Variants in BPI observed in about 807,000 individuals in gnomAD.
The protein encoded by BPI is bactericidal permeability-increasing protein.
In BPI, 48 loss-of-function variants were observed where a neutral mutation model predicts 57.6. The observed-to-expected ratio is 0.83, with a 90% CI of 0.66 to 1.06. BPI has a LOEUF of 1.06. Among genes scored for constraint, BPI ranks in the 50% least tolerant of loss-of-function variants. The pLI is 0.00. For missense variants in BPI, 651 were observed against 609.7 expected (o/e 1.07, Z -0.71); for synonymous variants, 237 against 238.2 (o/e 0.99, Z 0.05).
intron 14 of BPI, among the ~76,000 whole-genome samples, chr20:38,336,332 G>A (rs12624324): frequency 6.6e-6 from 1 of 152,016 alleles, no homozygotes; most frequent in Non-Finnish European, 1.5e-5. Context: ...AACCTCTTCA[G>A]GCTTAGCTGC....
chr20:38,315,763 T>TCTTTCCATCTTCCCTCCTTCCTTCCTTC (rs1202153462), intron 5 of BPI, among the ~76,000 whole-genome samples: 37 of 149,530 alleles, frequency 2.5e-4, no homozygotes, highest in African/African-American at 7.8e-4. Flanking sequence ...TTCCTTCCTT[T>TCTTTCCATCTTCCCTCCTTCCTTCCTTC]CTTTCCTTCT....
In BPI at chr20:38,304,304, C is replaced by T. The variant is rs767978733; in HGVS notation, c.81C>T (p.Ala27=). The change falls in exon 1 of 15, where the codon GCC becomes GCT. Residue 27 remains alanine, a synonymous_variant. Transcript: ENST00000642449. ...LVAIGTAVTA[A]VNPGVVVRIS... Reference sequence around the variant, plus strand: ...CCATAGGCACCGCCGTGACAGCGGCCGTCAACCCTGGCGTCGTGGTCAGGA... The same window carrying T: ...CCATAGGCACCGCCGTGACAGCGGCTGTCAACCCTGGCGTCGTGGTCAGGA... 10 of 1,613,996 alleles carry T rather than the reference C, an allele frequency of 6.2e-6. No individual in the cohort carries two copies. In the Admixed American group the frequency reaches 6.7e-5, roughly 11 times the overall value.
At chr20:38,309,484 T>A (rs1568808740) in intron 3 of BPI, among the ~76,000 whole-genome samples, 1 of 152,108 alleles carries the variant, frequency 6.6e-6, no homozygotes, top group Non-Finnish European at 1.5e-5. Flanking sequence ...CTGTGTCTCC[T>A]CCTCCTTGGA....
intron 9 of BPI, among the ~76,000 whole-genome samples, chr20:38,325,948 G>A (rs2076710675): frequency 6.6e-6 from 1 of 152,102 alleles, no homozygotes; most frequent in African/African-American, 2.4e-5. Context: ...GGAAGGGAAA[G>A]AGCCGAGAGA....
intron 1 of BPI, among the ~76,000 whole-genome samples, chr20:38,305,850 A>G (rs947873132): frequency 6.6e-5 from 10 of 152,148 alleles, no homozygotes; most frequent in African/African-American, 2.4e-4. Context: ...GATACATTTC[A>G]TTGATATTAT....
intron 5 of BPI, among the ~76,000 whole-genome samples, chr20:38,315,311 T>G (rs1004691757): frequency 3.9e-5 from 6 of 152,106 alleles, no homozygotes; most frequent in Admixed American, 2.0e-4. Context: ...AATGAATGAA[T>G]GAAGGAATGA....
At chr20:38,321,409 C>T (rs922908351) in intron 7 of BPI, among the ~76,000 whole-genome samples, 11 of 152,104 alleles carry the variant, frequency 7.2e-5, no homozygotes, top group Admixed American at 4.6e-4. Flanking sequence ...TTCCTCTCAC[C>T]TCAGGGCATT....
chr20:38,326,870 A>G (rs976095837), intron 10 of BPI, among the ~76,000 whole-genome samples: 20 of 152,186 alleles, frequency 1.3e-4, no homozygotes, highest in African/African-American at 4.8e-4. Context: ...CATTTATTCA[A>G]TTATTCATTT....
Position 38,331,476 on chromosome 20 carries a change from G to A in BPI, c.1272+386G>A, listed in dbSNP as rs928168638. Among the ~76,000 whole-genome samples the A allele has an allele frequency of 3.3e-5, 5 of 152,168 alleles. No individual in the cohort carries two copies. The East Asian group carries it at 5.8e-4, about 18-fold the overall frequency. ...ATGTGCCAAGTACTCTTCCAAGTAT[G>A]GGGTAGGCTGATGCATCAGACAGGG... On this transcript the variant is annotated intron_variant, in intron 12 of 14. Transcript: ENST00000642449.
chr20:38,337,289 C>A lies in BPI; in HGVS notation c.*105C>A. 1 of 993,350 alleles carries A rather than the reference C, an allele frequency of 1.0e-6. No homozygotes were observed. Among genetic ancestry groups the A allele is most frequent in the Non-Finnish European group, 1.5e-6 (1 of 672,996 alleles). The allele number at this position is 993,350 out of a possible 1,614,324, so 61.5% of individuals were successfully genotyped here. ...ATCCTCTCCAGATCTTAACCAAGAG[C>A]CCCTTGCAAACTTCTTCGACTCAGA... On this transcript the variant is annotated 3_prime_UTR_variant, in exon 15 of 15. Coordinates refer to ENST00000642449, the MANE Select transcript of BPI (RefSeq NM_001725.3).
intron 1 of BPI, among the ~76,000 whole-genome samples, chr20:38,305,989 T>C (rs970088788): frequency 2.6e-5 from 4 of 152,222 alleles, no homozygotes; most frequent in Non-Finnish European, 4.4e-5. Flanking sequence ...TAACTGGTGG[T>C]AGAATTCCTG....
At chr20:38,320,602 C>G (rs1045971589) in intron 7 of BPI, among the ~76,000 whole-genome samples, 1 of 151,148 alleles carries the variant, frequency 6.6e-6, no homozygotes, top group Non-Finnish European at 1.5e-5. Context: ...GAGACCTTCC[C>G]AGACCACTCT....
intron 9 of BPI, 88 bp from the exon 10 acceptor site, chr20:38,326,177 A>G: frequency 7.4e-6 from 10 of 1,344,080 alleles, no homozygotes; most frequent in Non-Finnish European, 9.1e-6. Flanking sequence ...CATTGAAGGT[A>G]TTTAAGTAGG....
intron 5 of BPI, chr20:38,318,104 C>T (rs2122521553): frequency 1.1e-6 from 1 of 872,404 alleles, no homozygotes; most frequent in South Asian, 5.3e-5. Context: ...AAAGAAAAAA[C>T]AAAACAACAA....
intron 13 of BPI, 65 bp from the exon 14 acceptor site, chr20:38,335,533 C>A: frequency 1.4e-6 from 2 of 1,462,008 alleles, no homozygotes; most frequent in Non-Finnish European, 9.6e-7. Context: ...GGCTCTCTGG[C>A]CCTCCCTCCT....
At position 38,327,727 on chromosome 20, in the gene BPI, G is replaced by A. The variant is rs546999507; in HGVS notation, c.1229+72G>A. The A allele has an allele frequency of 3.3e-5, 50 of 1,530,074 alleles. No individual in the cohort carries two copies. In the African/African-American group the frequency reaches 6.6e-4, roughly 20 times the overall value. The allele number at this position is 1,530,074 out of a possible 1,614,324, so 94.8% of individuals were successfully genotyped here. ...GTGTCTGTGGGATGACAGTGGTCCT[G>A]TGATATACAGAAGCACTGCATTGTT... On this transcript the variant is annotated intron_variant, in intron 11 of 14. Transcript: ENST00000642449.
intron 14 of BPI, 74 bp downstream of exon 14, chr20:38,335,748 C>G: frequency 7.6e-6 from 11 of 1,445,458 alleles, no homozygotes; most frequent in Non-Finnish European, 1.1e-5. Flanking sequence ...TGCAATGCTT[C>G]CTGCATGCCA....
At chr20:38,306,506 C>T (rs141413179) in intron 1 of BPI, among the ~76,000 whole-genome samples, 3 of 152,274 alleles carry the variant, frequency 2.0e-5, no homozygotes, top group East Asian at 1.9e-4. Context: ...GTAACAGGGG[C>T]TCCGAAAGAG....
At chr20:38,324,718 C>T in intron 8 of BPI, 56 bp from the exon 9 acceptor site, 2 of 1,442,134 alleles carry the variant, frequency 1.4e-6, no homozygotes, top group Non-Finnish European at 2.0e-6. Flanking sequence ...AACTCACCCC[C>T]TCTGCTCCGT....
Sources: gnomAD v4.1 joint callset for allele counts (sites outside exome capture counted in the v4.1 genomes callset) on GRCh38, gnomAD v4.1.1 for gene constraint, MANE v1.5 for transcripts, NCBI Gene and HGNC (gene_info 2026-07-23, HGNC 2026-07-21) for gene names.